XKR7: variants seen among roughly 807,000 people sequenced by gnomAD.
XKR7 encodes the protein XK-related protein 7.
XKR7 carries 11 observed loss-of-function variants against 42.2 expected under a neutral mutation model. That is an observed-to-expected ratio of 0.26 (90% confidence interval 0.16 to 0.43). The LOEUF is 0.43. Ranked by LOEUF, XKR7 falls within the 20% of genes least tolerant of loss-of-function variation. XKR7 has a pLI of 1.00. For synonymous variants in XKR7, 346 were observed against 366.4 expected, an observed-to-expected ratio of 0.94 and a Z score of 0.64; for missense variants, 710 against 802.2, an observed-to-expected ratio of 0.89 and a Z score of 1.39.
intron 1 of XKR7, among the ~76,000 whole-genome samples, chr20:31,972,484 C>G (rs1250796661): frequency 1.3e-5 from 2 of 152,188 alleles, no homozygotes; most frequent in African/African-American, 2.4e-5. Flanking sequence ...GCAACTTCAT[C>G]CCTCCCTTCC....
rs1414848500 is a variant in XKR7 at position 32,001,205 on chromosome 20, A to G, written c.*3748A>G. ...CACAGAAGCCTCAGACAATAGGGAG[A>G]AGGTTTTCTGGGACGAAGGCTGCAT... On this transcript the variant is annotated 3_prime_UTR_variant, in exon 3 of 3. Transcript: ENST00000562532. 1 of 152,186 alleles carries G rather than the reference A, an allele frequency of 6.6e-6. No individual in the cohort carries two copies. The highest frequency in any genetic ancestry group is 2.4e-5 in the African/African-American group (1 of 41,416). The allele number at this position is 152,186 out of a possible 1,614,324, so 9.4% of individuals were successfully genotyped here. A position where few individuals can be genotyped will look rare whatever the true frequency, so the allele number is the denominator to read the frequency against.
intron 1 of XKR7, among the ~76,000 whole-genome samples, chr20:31,987,924 C>G (rs779588776): frequency 9.2e-5 from 14 of 152,186 alleles, no homozygotes; most frequent in Non-Finnish European, 1.3e-4. Context: ...GGGACTGAGC[C>G]AGGATTCCAG....
In XKR7 at chr20:31,995,663, T is replaced by G. The variant is rs778030051; in HGVS notation, c.787+393T>G. 1.3e-5 allele frequency among the ~76,000 whole-genome samples: 2 copies of G among 151,934 alleles called. No individual in the cohort carries two copies. Among genetic ancestry groups the G allele is most frequent in the African/African-American group, 4.8e-5 (2 of 41,376 alleles). On this transcript the variant is annotated intron_variant, in intron 2 of 2. Coordinates refer to ENST00000562532, the MANE Select transcript of XKR7 (RefSeq NM_001011718.2). The surrounding 1 kb of genome is among the most constrained non-coding windows in gnomAD (Gnocchi z 4.1). ...CAACCTGATCCCAGCCTGCATCTCC[T>G]GGGGACCCCCTGCCTCATAGACCTG...
At chr20:31,989,419 C>T (rs543479926) in intron 1 of XKR7, among the ~76,000 whole-genome samples, 50 of 152,148 alleles carry the variant, frequency 3.3e-4, no homozygotes, top group African/African-American at 1.2e-3. Flanking sequence ...TGATGGGAGG[C>T]CCTTGGAAGG....
rs961220716 is a variant in XKR7, at chr20:31,995,794, C to T, written c.787+524C>T. Among the ~76,000 whole-genome samples the T allele has an allele frequency of 3.9e-5, 6 of 152,026 alleles. No homozygotes were observed. The highest frequency in any genetic ancestry group is 1.2e-4 in the African/African-American group (5 of 41,372). The stretch of plus-strand genomic sequence containing the variant: ...CCATCCCCTCCTCCTCCCTACAGGC[C>T]CTGTTAATTTCCCACCTTGCCCCTT... On this transcript the variant is annotated intron_variant, in intron 2 of 2. Transcript: ENST00000562532. This position sits in a 1 kb window ranked among gnomAD's most constrained non-coding sequence, Gnocchi z 4.1.
chr20:31,997,392 C>T lies in XKR7; in HGVS notation c.1675C>T (p.Pro559Ser). 3 of 1,600,144 alleles carry T rather than the reference C, an allele frequency of 1.9e-6. No individual in the cohort carries two copies. The highest frequency in any genetic ancestry group is 1.1e-5 in the South Asian group (1 of 91,092). ...ACTGGAGTACTCCTCACCTGCCACG[C>T]CCCGGTTGCAGTACCGGAGTGTGGG... ...LALEYSSPAT[P>S]RLQYRSVGTS... The change falls in exon 3 of 3, where the codon CCC becomes TCC. Residue 559 changes from proline to serine, a missense_variant. Around this residue, in one of 2 missense-constraint regions of XKR7, gnomAD observed 708 missense variants for 786.2 expected, o/e 0.90. Transcript: ENST00000562532.
At chr20:31,996,094 G>A (rs972478737) in intron 2 of XKR7, among the ~76,000 whole-genome samples, 1 of 151,006 alleles carries the variant, frequency 6.6e-6, no homozygotes, top group Non-Finnish European at 1.5e-5. Context: ...GGTGGCCCAC[G>A]ACTTCTAATG....
At position 32,001,682 on chromosome 20, in the gene XKR7, C is replaced by T. The variant is rs2064625696; in HGVS notation, c.*4225C>T. The T allele has an allele frequency of 6.6e-6, 1 of 152,210 alleles. No individual in the cohort carries two copies. The highest frequency in any genetic ancestry group is 2.4e-5 in the African/African-American group (1 of 41,402). The allele number at this position is 152,210 out of a possible 1,614,324, so 9.4% of individuals were successfully genotyped here. The stretch of plus-strand genomic sequence containing the variant: ...GGGTTAGAGGCTGCTGGAGTCTTCT[C>T]CAGCTTGGGGGCCCCTGGTTAGGAG... On this transcript the variant is annotated 3_prime_UTR_variant, in exon 3 of 3. Transcript: ENST00000562532.
rs2064586684 is a variant in XKR7, at chr20:31,995,340, C to G, written c.787+70C>G. ...GGCCTTTCTCCCTGCTTCAGGCTCCCTGGGGATGCCCTGTGGGCTTCCCCA... is the reference window on the plus strand; with the variant it reads ...GGCCTTTCTCCCTGCTTCAGGCTCCGTGGGGATGCCCTGTGGGCTTCCCCA... On this transcript the variant is annotated intron_variant, in intron 2 of 2. Coordinates refer to ENST00000562532, the MANE Select transcript of XKR7 (RefSeq NM_001011718.2). The surrounding 1 kb of genome is among the most constrained non-coding windows in gnomAD (Gnocchi z 4.1). 2 of 1,529,102 alleles carry G rather than the reference C, an allele frequency of 1.3e-6. No homozygotes were observed. The highest frequency in any genetic ancestry group is 2.8e-5 in the African/African-American group (2 of 72,492). 94.7% of individuals were successfully genotyped at this position (1,529,102 alleles called of 1,614,324 possible).
Position 31,997,231 on chromosome 20 carries a change from C to T in XKR7, c.1514C>T (p.Pro505Leu). 1 of 1,611,564 alleles carries T rather than the reference C, an allele frequency of 6.2e-7. No homozygotes were observed. Among genetic ancestry groups the T allele is most frequent in the Non-Finnish European group, 8.5e-7 (1 of 1,179,834 alleles). Residue 505 changes from proline (P) to leucine (L), a missense_variant, in exon 3 of 3, where the codon CCT (proline) becomes CTT (leucine). By Grantham distance (98) the Pro-to-Leu change is moderately conservative (BLOSUM62 -3). Coordinates refer to ENST00000562532, the MANE Select transcript of XKR7 (RefSeq NM_001011718.2). ...TPTPPVFQVR[P>L]GLPPTPVART... ...ACCCCACCTGTCTTCCAGGTGCGGC[C>T]TGGCTTGCCTCCCACACCAGTGGCC... is the stretch of plus-strand genomic sequence containing the variant.
At chr20:31,993,720 G>A (rs1307612221) in intron 1 of XKR7, among the ~76,000 whole-genome samples, 1 of 152,224 alleles carries the variant, frequency 6.6e-6, no homozygotes, top group East Asian at 1.9e-4. Context: ...ACAGCATGGG[G>A]GAGATGTGCA....
At chr20:31,969,647 A>G (rs1413941062) in intron 1 of XKR7, among the ~76,000 whole-genome samples, 4 of 152,186 alleles carry the variant, frequency 2.6e-5, no homozygotes, top group African/African-American at 9.7e-5. Flanking sequence ...TTACTATATG[A>G]TCTTAGGCAA....
In XKR7 at chr20:31,997,641, C is replaced by A; in HGVS notation, c.*184C>A. On this transcript the variant is annotated 3_prime_UTR_variant, in exon 3 of 3. Transcript: ENST00000562532. ...GCCTTGCGGAGGCCCCAGCCCTGGG[C>A]CCCGTTTTCAGCCTTGTGGCCCATT... 1 of 612,480 alleles carries A rather than the reference C, an allele frequency of 1.6e-6. No homozygotes were observed. The highest frequency in any genetic ancestry group is 2.8e-6 in the Non-Finnish European group (1 of 357,370). The allele number at this position is 612,480 out of a possible 1,614,324, so 37.9% of individuals were successfully genotyped here.
chr20:31,973,803 A>C (rs1473229377), intron 1 of XKR7, among the ~76,000 whole-genome samples: 1 of 152,044 alleles, frequency 6.6e-6, no homozygotes, highest in Non-Finnish European at 1.5e-5. Flanking sequence ...TAGGGCTTTT[A>C]CTCTTCATGA....
At position 31,999,619 on chromosome 20, in the gene XKR7, G is replaced by A. The variant is rs957816101; in HGVS notation, c.*2162G>A. On this transcript the variant is annotated 3_prime_UTR_variant, in exon 3 of 3. Coordinates refer to ENST00000562532, the MANE Select transcript of XKR7 (RefSeq NM_001011718.2). ...CACACACAAAGCCGTTGTGAGATGGGAGCTCTGAAGATGCGGACCCAGACC... is the reference window on the plus strand; with the variant it reads ...CACACACAAAGCCGTTGTGAGATGGAAGCTCTGAAGATGCGGACCCAGACC... 2.6e-5 allele frequency: 4 copies of A among 152,162 alleles called. No homozygotes were observed. Among genetic ancestry groups the A allele is most frequent in the African/African-American group, 9.7e-5 (4 of 41,410 alleles). The allele number at this position is 152,162 out of a possible 1,614,324, so 9.4% of individuals were successfully genotyped here.
intron 1 of XKR7, among the ~76,000 whole-genome samples, chr20:31,979,979 A>G (rs562219544): frequency 6.6e-6 from 1 of 152,170 alleles, no homozygotes; most frequent in South Asian, 2.1e-4. Flanking sequence ...CTAGTCCCCA[A>G]ATGCTTTGCT....
chr20:31,982,815 G>T (rs2064519644), intron 1 of XKR7, among the ~76,000 whole-genome samples: 1 of 152,200 alleles, frequency 6.6e-6, no homozygotes, highest in African/African-American at 2.4e-5. Flanking sequence ...GCCTAGAAGT[G>T]GGTCTCAGCT....
chr20:31,994,080 G>A (rs2064580925), intron 1 of XKR7, among the ~76,000 whole-genome samples: 1 of 152,184 alleles, frequency 6.6e-6, no homozygotes, highest in African/African-American at 2.4e-5. Flanking sequence ...AGATGCCAAG[G>A]AAAAGTGTCT....
chr20:31,975,847 AT>A (rs1395638430), intron 1 of XKR7, among the ~76,000 whole-genome samples: 1 of 152,230 alleles, frequency 6.6e-6, no homozygotes, highest in Non-Finnish European at 1.5e-5. Flanking sequence ...AAAAATCAGT[AT>A]AAAAATGAAA....
Sources: gnomAD v4.1 joint callset for allele counts (sites outside exome capture counted in the v4.1 genomes callset) on GRCh38, gnomAD v4.1.1 for gene constraint, gnomAD v4.1.1 regional missense constraint, Gnocchi (gnomAD v3.1) non-coding constraint, MANE v1.5 for transcripts, NCBI Gene and HGNC (gene_info 2026-07-23, HGNC 2026-07-21) for gene names.